The following FRMD5 variants were observed in gnomAD, a reference collection of about 807,000 sequenced individuals.
The protein encoded by FRMD5 is FERM domain-containing protein 5.
Under a neutral mutation model 69.0 loss-of-function variants are expected in FRMD5, and 20 were observed. The ratio of observed to expected loss-of-function variants is 0.29; its 90% CI spans 0.20 to 0.42. The LOEUF is 0.42. FRMD5 is among the 10% of genes least tolerant of loss of function. The pLI is 1.00. For synonymous variants in FRMD5, 271 were observed against 260.1 expected, an observed-to-expected ratio of 1.04 and a Z score of -0.40; for missense variants, 595 against 708.6, an observed-to-expected ratio of 0.84 and a Z score of 1.82.
intron 1 of FRMD5, among the ~76,000 whole-genome samples, chr15:43,986,488 G>A (rs1889398581): frequency 6.6e-6 from 1 of 152,194 alleles, no homozygotes; most frequent in South Asian, 2.1e-4. Flanking sequence ...AAGTGGTTGT[G>A]ACGAAACGTA....
At chr15:44,134,308 G>A (rs984733140) in intron 1 of FRMD5, among the ~76,000 whole-genome samples, 4 of 152,094 alleles carry the variant, frequency 2.6e-5, no homozygotes, top group African/African-American at 7.2e-5. Flanking sequence ...TCTGGAAGGT[G>A]AAGGCCCAAA....
At position 44,148,900 on chromosome 15, in the gene FRMD5, T is replaced by C. The variant is rs544855237; in HGVS notation, c.102+46053A>G. On this transcript the variant is annotated intron_variant, in intron 1 of 13. Transcript: ENST00000417257. Reference sequence around the variant, plus strand: ...TAAATACCTGGGCAATTATAAAAGCTAGTATTATTGTAACAATGATTTGTA... The same window carrying C: ...TAAATACCTGGGCAATTATAAAAGCCAGTATTATTGTAACAATGATTTGTA... Among the ~76,000 whole-genome samples, 15 of 152,322 alleles carry C rather than the reference T, an allele frequency of 9.8e-5. 1 individual carries two copies. Among genetic ancestry groups the C allele is most frequent in the African/African-American group, 3.4e-4 (14 of 41,570 alleles).
chr15:44,006,166 T>C (rs1890435865), intron 1 of FRMD5, among the ~76,000 whole-genome samples: 1 of 152,204 alleles, frequency 6.6e-6, no homozygotes. Flanking sequence ...TTTACCATTC[T>C]AAAAATCCCA....
At chr15:43,957,109 A>G (rs185242843) in intron 1 of FRMD5, among the ~76,000 whole-genome samples, 75 of 152,356 alleles carry the variant, frequency 4.9e-4, no homozygotes, top group African/African-American at 1.8e-3. Context: ...TCAGAAATTT[A>G]AAAATTATTC....
chr15:44,112,002 T>C (rs1193440603), intron 1 of FRMD5, among the ~76,000 whole-genome samples: 33 of 151,642 alleles, frequency 2.2e-4, no homozygotes, highest in Admixed American at 2.1e-3. Context: ...CGCCACCACA[T>C]CCGGCTAATT....
chr15:44,196,080 C>A (rs2078291904), upstream of FRMD5, among the ~76,000 whole-genome samples: 1 of 152,128 alleles, frequency 6.6e-6, no homozygotes, highest in South Asian at 2.1e-4. Flanking sequence ...CTTTGTCACC[C>A]CAAATTTACA....
intron 4 of FRMD5, among the ~76,000 whole-genome samples, chr15:43,918,423 T>A (rs1051158675): frequency 6.6e-6 from 1 of 152,182 alleles, no homozygotes; most frequent in African/African-American, 2.4e-5. Flanking sequence ...AAACTCTGTC[T>A]CAAAAAAGAA....
chr15:43,943,384 G>A (rs2089893944), intron 1 of FRMD5, among the ~76,000 whole-genome samples: 2 of 152,236 alleles, frequency 1.3e-5, no homozygotes, highest in Non-Finnish European at 2.9e-5. Flanking sequence ...CTGGCCGTAA[G>A]AGAGTACTTT....
intron 1 of FRMD5, among the ~76,000 whole-genome samples, chr15:44,080,864 T>C (rs558530631): frequency 6.6e-6 from 1 of 152,264 alleles, no homozygotes; most frequent in African/African-American, 2.4e-5. Flanking sequence ...GAATTTCCTC[T>C]AAATCTTGGC....
intron 1 of FRMD5, among the ~76,000 whole-genome samples, chr15:43,944,120 G>T (rs2089906230): frequency 6.6e-6 from 1 of 152,176 alleles, no homozygotes. Context: ...AATTTATAAA[G>T]AAAGGAAATT....
At chr15:43,999,302 A>T (rs1304339825) in intron 1 of FRMD5, among the ~76,000 whole-genome samples, 1 of 152,130 alleles carries the variant, frequency 6.6e-6, no homozygotes, top group Non-Finnish European at 1.5e-5. Context: ...TCCTGACCTC[A>T]GGTGATCTGC....
intron 4 of FRMD5, chr15:43,919,237 T>C: frequency 1.5e-6 from 1 of 684,434 alleles, no homozygotes; most frequent in Non-Finnish European, 2.8e-6. Context: ...AGAGGTAGTA[T>C]TCACACTTCT....
At chr15:43,913,650 C>G (rs1367344987) in intron 4 of FRMD5, among the ~76,000 whole-genome samples, 1 of 152,244 alleles carries the variant, frequency 6.6e-6, no homozygotes, top group Non-Finnish European at 1.5e-5. Context: ...TCCAGGGCCA[C>G]TGTGTGTTGC....
chr15:43,995,399 A>C (rs8037596), intron 1 of FRMD5, among the ~76,000 whole-genome samples: 137,003 of 152,140 alleles, frequency 0.9, 62,279 homozygotes, highest in East Asian at 1. Context: ...TTCAAAGAGG[A>C]TGGCCTGGTG....
At chr15:43,905,770 T>C in intron 6 of FRMD5, 58 bp downstream of exon 6, 4 of 1,605,908 alleles carry the variant, frequency 2.5e-6, no homozygotes, top group Non-Finnish European at 3.4e-6. Flanking sequence ...GCGTGGAGCC[T>C]GCGTGCTCAG....
intron 1 of FRMD5, among the ~76,000 whole-genome samples, chr15:44,057,969 C>T (rs1892938539): frequency 6.6e-6 from 1 of 152,190 alleles, no homozygotes; most frequent in African/African-American, 2.4e-5. Flanking sequence ...CATTTGACCA[C>T]ATCCATAGTT....
At chr15:44,018,749 T>G (rs1317578472) in intron 1 of FRMD5, among the ~76,000 whole-genome samples, 1 of 152,190 alleles carries the variant, frequency 6.6e-6, no homozygotes, top group African/African-American at 2.4e-5. Context: ...TTTTGCCCTG[T>G]AAATCCCAAG....
At chr15:43,949,841 G>A (rs7178452) in intron 1 of FRMD5, among the ~76,000 whole-genome samples, 6 of 152,076 alleles carry the variant, frequency 3.9e-5, no homozygotes, top group Non-Finnish European at 1.5e-5. Context: ...GATCTCTCAA[G>A]TCGTGCTGCA....
At chr15:44,166,532 C>A (rs1399366009) in intron 1 of FRMD5, among the ~76,000 whole-genome samples, 1 of 151,962 alleles carries the variant, frequency 6.6e-6, no homozygotes, top group Admixed American at 6.6e-5. Flanking sequence ...TGCCTGTAAC[C>A]CTAGCAATTT....
Sources: gnomAD v4.1 joint callset for allele counts (sites outside exome capture counted in the v4.1 genomes callset) on GRCh38, gnomAD v4.1.1 for gene constraint, MANE v1.5 for transcripts, NCBI Gene and HGNC (gene_info 2026-07-23, HGNC 2026-07-21) for gene names.